The following PREX1 variants were observed in gnomAD, a reference collection of about 807,000 sequenced individuals.
The protein encoded by PREX1 is phosphatidylinositol 3,4,5-trisphosphate-dependent Rac exchanger 1 protein.
A neutral mutation model predicts 198.3 loss-of-function variants in PREX1; 41 were observed. That is an observed-to-expected ratio of 0.21 (90% CI 0.16 to 0.27). The LOEUF is 0.27. Ranked by LOEUF, PREX1 falls within the 10% of genes least tolerant of loss-of-function variation. PREX1 has a pLI of 1.00. For missense variants in PREX1, 1,620 were observed against 2,200.7 expected, an observed-to-expected ratio of 0.74 and a Z score of 5.28; for synonymous variants, 843 against 887.2, an observed-to-expected ratio of 0.95 and a Z score of 0.89.
At chr20:48,729,359 G>A (rs954726121) in intron 4 of PREX1, among the ~76,000 whole-genome samples, 3 of 152,032 alleles carry the variant, frequency 2.0e-5, no homozygotes, top group Non-Finnish European at 4.4e-5. Context: ...TTACAGGTGT[G>A]AGCCACCGTG....
intron 6 of PREX1, 29 bp from the exon 7 acceptor site, chr20:48,700,915 G>C (rs371556613): frequency 1.7e-5 from 27 of 1,613,348 alleles, no homozygotes; most frequent in Non-Finnish European, 2.3e-5. Flanking sequence ...CACAGTGAAT[G>C]AGCCAACCCA....
At chr20:48,770,922 G>C (rs145870322) in intron 1 of PREX1, among the ~76,000 whole-genome samples, 107 of 152,262 alleles carry the variant, frequency 7.0e-4, no homozygotes, top group Non-Finnish European at 1.3e-3. Context: ...GGAGAGGGAG[G>C]AGCCTGGGCA....
chr20:48,710,373 C>T (rs1905808692), intron 5 of PREX1, among the ~76,000 whole-genome samples: 1 of 152,166 alleles, frequency 6.6e-6, no homozygotes, highest in South Asian at 2.1e-4. Context: ...AAGAGTAGAC[C>T]GGTCAACAAG....
chr20:48,643,209 G>A (rs1352819555), intron 27 of PREX1, among the ~76,000 whole-genome samples: 3 of 152,186 alleles, frequency 2.0e-5, no homozygotes, highest in Non-Finnish European at 2.9e-5. Flanking sequence ...TTTCAGTAAC[G>A]CCTTTAATCC....
chr20:48,826,491 C>A (rs1186498457), intron 1 of PREX1, among the ~76,000 whole-genome samples: 1 of 152,172 alleles, frequency 6.6e-6, no homozygotes, highest in Non-Finnish European at 1.5e-5. Context: ...AAGCCCAGTA[C>A]CCCCACTTAA....
chr20:48,733,302 T>C (rs2090042655), intron 4 of PREX1, among the ~76,000 whole-genome samples: 1 of 152,182 alleles, frequency 6.6e-6, no homozygotes, highest in Non-Finnish European at 1.5e-5. Context: ...CACTCTACCC[T>C]TAGGCTCTAT....
chr20:48,686,768 C>A (rs1425275851), intron 10 of PREX1, among the ~76,000 whole-genome samples: 1 of 152,232 alleles, frequency 6.6e-6, no homozygotes, highest in East Asian at 1.9e-4. Context: ...CCCTTGAGGG[C>A]AACAGGGCAA....
chr20:48,848,919 T>C, the PREX1 span, among the ~76,000 whole-genome samples: 1 of 151,972 alleles, frequency 6.6e-6, no homozygotes, highest in East Asian at 1.9e-4. Flanking sequence ...GTGTTTTTAG[T>C]AGAGACGGGG....
Position 48,730,090 on chromosome 20 carries a change from C to T in PREX1, c.520-3699G>A, listed in dbSNP as rs117792528. Among the ~76,000 whole-genome samples, 332 of 152,132 alleles carry T rather than the reference C, an allele frequency of 2.2e-3. 3 individuals carry two copies. In the East Asian group the frequency reaches 0.041, roughly 19 times the overall value. On this transcript the variant is annotated intron_variant, in intron 4 of 39. Transcript: ENST00000371941. ...TGGAGCCCCAGGAGGGAGCACCCAC[C>T]GACACCCTGATTTCAGACTTCTGGC... is the stretch of plus-strand genomic sequence containing the variant.
At chr20:48,654,862 G>A (rs904622695) in intron 19 of PREX1, among the ~76,000 whole-genome samples, 8 of 152,254 alleles carry the variant, frequency 5.3e-5, no homozygotes. Flanking sequence ...GCAGAAAGCA[G>A]AGGTCTTGAA....
Position 48,632,651 on chromosome 20 carries a change from T to C in PREX1, c.4268-12A>G, listed in dbSNP as rs4413212. 0.41 allele frequency: 657,972 copies of C among 1,608,376 alleles called. 136,062 individuals carry two copies. Among genetic ancestry groups the C allele is most frequent in the South Asian group, 0.51 (46,669 of 90,864 alleles). ...GAAGACGTTGGTGTCTGCGGAAGGATATGGGGCAGGATGACTCACCACCGA... is the reference window on the plus strand; with the variant it reads ...GAAGACGTTGGTGTCTGCGGAAGGACATGGGGCAGGATGACTCACCACCGA... On this transcript the variant is annotated splice_polypyrimidine_tract_variant and intron_variant, in intron 33 of 39. Transcript: ENST00000371941.
chr20:48,774,241 C>T (rs1166895232), intron 1 of PREX1, among the ~76,000 whole-genome samples: 1 of 152,232 alleles, frequency 6.6e-6, no homozygotes, highest in African/African-American at 2.4e-5. Context: ...TGCAATCGTG[C>T]TGAGTGCTGG....
intron 13 of PREX1, 128 bp downstream of exon 13, chr20:48,679,232 T>C (rs763630488): frequency 2.6e-5 from 20 of 767,666 alleles, no homozygotes; most frequent in Non-Finnish European, 4.0e-5. Flanking sequence ...ATCTAAAGGA[T>C]AGGTGCCACT....
chr20:48,850,805 C>T, the PREX1 span, among the ~76,000 whole-genome samples: 1 of 152,140 alleles, frequency 6.6e-6, no homozygotes, highest in East Asian at 1.9e-4. Flanking sequence ...CTGCCAACCT[C>T]CCTGCCAGGA....
rs1289128649 is a variant in PREX1, at chr20:48,756,932, C to T, written c.220-9052G>A. 2.0e-5 allele frequency among the ~76,000 whole-genome samples: 3 copies of T among 152,168 alleles called. No individual in the cohort carries two copies. The East Asian group carries it at 5.8e-4, about 29-fold the overall frequency. ...TCTTACATGGCGGCAGGCAAGAGAGCTTGTGTAGGGGAACTCCCCTTTATA... is the reference window on the plus strand; with the variant it reads ...TCTTACATGGCGGCAGGCAAGAGAGTTTGTGTAGGGGAACTCCCCTTTATA... On this transcript the variant is annotated intron_variant, in intron 1 of 39. Transcript: ENST00000371941.
intron 17 of PREX1, among the ~76,000 whole-genome samples, chr20:48,657,685 G>A (rs1002441396): frequency 6.6e-6 from 1 of 152,154 alleles, no homozygotes; most frequent in African/African-American, 2.4e-5. Flanking sequence ...AGCACGGCAG[G>A]TGCATCTCCC....
Position 48,745,010 on chromosome 20 carries a change from T to A in PREX1, c.414+15A>T. 1.2e-6 allele frequency: 2 copies of A among 1,612,712 alleles called. No homozygotes were observed. The highest frequency in any genetic ancestry group is 1.7e-6 in the Non-Finnish European group (2 of 1,178,908). On this transcript the variant is annotated intron_variant, in intron 3 of 39. Coordinates refer to ENST00000371941, the MANE Select transcript of PREX1 (RefSeq NM_020820.4). ...AAAAACTAGAGTCCACCAGGGGCAGTGGCATGGTACTCACGAATTTTAAGA... is the reference window on the plus strand; with the variant it reads ...AAAAACTAGAGTCCACCAGGGGCAGAGGCATGGTACTCACGAATTTTAAGA...
At chr20:48,804,645 A>ATTCC in intron 1 of PREX1, among the ~76,000 whole-genome samples, 1 of 152,134 alleles carries the variant, frequency 6.6e-6, no homozygotes, top group Non-Finnish European at 1.5e-5. Flanking sequence ...ACATGTGGAG[A>ATTCC]ACCAGGGGCA....
At chr20:48,723,166 C>A (rs1345966385) in intron 5 of PREX1, among the ~76,000 whole-genome samples, 1 of 152,236 alleles carries the variant, frequency 6.6e-6, no homozygotes, top group Non-Finnish European at 1.5e-5. Flanking sequence ...CCTCTTCCCT[C>A]TTCCTACCCA....
Sources: allele counts gnomAD v4.1 joint callset (sites outside exome capture counted in the v4.1 genomes callset), GRCh38; gene constraint gnomAD v4.1.1; transcripts MANE v1.5; gene names NCBI Gene and HGNC (gene_info 2026-07-23, HGNC 2026-07-21).